C6: variants seen among roughly 807,000 people sequenced by gnomAD.
The protein encoded by C6 is complement C6.
In C6, 101 loss-of-function variants were observed where a neutral mutation model predicts 112.9. The ratio of observed to expected loss-of-function variants is 0.89; its 90% CI spans 0.76 to 1.06. The LOEUF is 1.06. Ranked by LOEUF, C6 falls within the 50% of genes least tolerant of loss-of-function variation. The probability of loss-of-function intolerance (pLI) is 0.00; values close to 1 mark genes in which losing one functional copy is unlikely to be tolerated. For synonymous variants in C6, 431 were observed against 384.1 expected (o/e 1.12, Z -1.43); for missense variants, 1,202 against 1,104.6 (o/e 1.09, Z -1.25).
chr5:41,224,978 G>A (rs1036281263), intron 1 of C6, among the ~76,000 whole-genome samples: 1 of 151,998 alleles, frequency 6.6e-6, no homozygotes, highest in African/African-American at 2.4e-5. Flanking sequence ...GCGTATCCTT[G>A]ATGGCTAATC....
chr5:41,159,394 G>A, intron 11 of C6, 141 bp from the exon 12 acceptor site: 3 of 1,444,572 alleles, frequency 2.1e-6, no homozygotes, highest in South Asian at 3.0e-5. Flanking sequence ...AGGATTAAAA[G>A]AAATTACCTG....
At position 41,206,387 on chromosome 5, in the gene C6, GAGA is replaced by G. The variant is rs758834651; in HGVS notation, c.-20-3140_-20-3138del. Among the ~76,000 whole-genome samples the G allele has an allele frequency of 9.9e-4, 151 of 152,350 alleles. 1 individual carries two copies. The highest frequency in any genetic ancestry group is 3.6e-3 in the Admixed American group (55 of 15,306). ...ACGGAGAATGACTTTGACCAGCTGA[GAGA>G]AGAAGGCTTCAGACGATTGGTAATA... On this transcript the variant is annotated intron_variant, in intron 1 of 17. Transcript: ENST00000337836.
At chr5:41,245,141 C>G (rs530722933) in intron 1 of C6, among the ~76,000 whole-genome samples, 1 of 152,260 alleles carries the variant, frequency 6.6e-6, no homozygotes, top group Non-Finnish European at 1.5e-5. Flanking sequence ...GTTGGTATCA[C>G]AGTAATGCTG....
intron 1 of C6, among the ~76,000 whole-genome samples, chr5:41,254,457 A>G (rs368577429): frequency 6.6e-6 from 1 of 152,308 alleles, no homozygotes; most frequent in African/African-American, 2.4e-5. Context: ...CTCCTTAGCT[A>G]GTAAAATAGA....
intron 7 of C6, among the ~76,000 whole-genome samples, chr5:41,178,596 C>T (rs543470018): frequency 5.2e-4 from 78 of 150,248 alleles, no homozygotes; most frequent in African/African-American, 1.8e-3. Flanking sequence ...CTGCCTCAGC[C>T]TCCCGAGTAG....
At chr5:41,253,751 A>G (rs403624) in intron 1 of C6, among the ~76,000 whole-genome samples, 11,023 of 152,286 alleles carry the variant, frequency 0.072, 450 homozygotes, top group East Asian at 0.13. Flanking sequence ...GTTTATATCA[A>G]CATCAACAAT....
chr5:41,261,110 T>A (rs1742026572), intron 1 of C6: 1 of 781,976 alleles, frequency 1.3e-6, no homozygotes, highest in Non-Finnish European at 1.6e-6. Flanking sequence ...TCTGGAAATC[T>A]TTTAACCAGC....
intron 13 of C6, 73 bp from the exon 14 acceptor site, chr5:41,155,177 A>G: frequency 7.4e-7 from 1 of 1,348,106 alleles, no homozygotes; most frequent in Admixed American, 1.7e-5. Context: ...TCTCACACTG[A>G]TCCTTTCTAT....
chr5:41,260,810 A>T (rs936796040), intron 1 of C6, among the ~76,000 whole-genome samples: 4 of 151,692 alleles, frequency 2.6e-5, no homozygotes, highest in African/African-American at 9.7e-5. Context: ...AACCAAAAAA[A>T]CCCCTGCAAC....
intron 1 of C6, among the ~76,000 whole-genome samples, chr5:41,249,945 GC>G (rs1741245131): frequency 6.6e-6 from 1 of 152,162 alleles, no homozygotes; most frequent in Non-Finnish European, 1.5e-5. Flanking sequence ...TGGATGGACA[GC>G]TTTTCATAAA....
chr5:41,208,088 A>C (rs1332360146), intron 1 of C6, among the ~76,000 whole-genome samples: 2 of 152,242 alleles, frequency 1.3e-5, no homozygotes, highest in Non-Finnish European at 2.9e-5. Context: ...GCTCAACTAC[A>C]TGGAAACTGA....
At chr5:41,254,548 C>T (rs1741565323) in intron 1 of C6, among the ~76,000 whole-genome samples, 2 of 152,166 alleles carry the variant, frequency 1.3e-5, no homozygotes, top group Admixed American at 1.3e-4. Context: ...TATCACCAGC[C>T]TCATTATATA....
chr5:41,209,370 G>C (rs1403012245), intron 1 of C6, among the ~76,000 whole-genome samples: 1 of 152,122 alleles, frequency 6.6e-6, no homozygotes, highest in Non-Finnish European at 1.5e-5. Flanking sequence ...GTTCTGGCCA[G>C]GGCAATCAGG....
chr5:41,254,532 A>G (rs1018914684), intron 1 of C6, among the ~76,000 whole-genome samples: 3 of 152,224 alleles, frequency 2.0e-5, no homozygotes, highest in Admixed American at 1.3e-4. Flanking sequence ...TATTACTTAT[A>G]GATTATATCA....
chr5:41,144,809 C>T (rs1745665830), intron 17 of C6, among the ~76,000 whole-genome samples: 2 of 152,086 alleles, frequency 1.3e-5, no homozygotes, highest in Admixed American at 1.3e-4. Flanking sequence ...TTGTTTAGCT[C>T]CTGCTTACAA....
intron 13 of C6, 89 bp downstream of exon 13, chr5:41,158,585 T>C: frequency 1.3e-6 from 1 of 760,806 alleles, no homozygotes; most frequent in South Asian, 1.4e-5. Context: ...ATTATTCGAA[T>C]AGGAAAACAG....
In C6 at chr5:41,150,893, A is replaced by AG. The variant is rs1480693611; in HGVS notation, c.2291-869_2291-868insC. ...AGAGTAAGACTCTGTCTAAAAAAAA[A>AG]AAAAAAAGGCAGGCAGCATGTGAGT... On this transcript the variant is annotated intron_variant, in intron 15 of 17. Transcript: ENST00000337836. Among the ~76,000 whole-genome samples, 11 of 152,078 alleles carry AG rather than the reference A, an allele frequency of 7.2e-5. No individual in the cohort carries two copies. The East Asian group carries it at 1.7e-3, about 24-fold the overall frequency.
chr5:41,163,105 T>G (rs1363537254), intron 9 of C6, among the ~76,000 whole-genome samples: 2 of 150,956 alleles, frequency 1.3e-5, no homozygotes, highest in African/African-American at 4.9e-5. Context: ...GCAAGTGCCT[T>G]AAAAAGATTC....
chr5:41,172,944 C>T (rs1748550653), intron 8 of C6, among the ~76,000 whole-genome samples: 1 of 152,078 alleles, frequency 6.6e-6, no homozygotes, highest in African/African-American at 2.4e-5. Context: ...CTCACTCAGC[C>T]CCTACCTCCA....
Sources: gnomAD v4.1 joint callset for allele counts (sites outside exome capture counted in the v4.1 genomes callset) on GRCh38, gnomAD v4.1.1 for gene constraint, MANE v1.5 for transcripts, NCBI Gene and HGNC (gene_info 2026-07-23, HGNC 2026-07-21) for gene names.